THSD7B: variants seen among roughly 807,000 people sequenced by gnomAD.
The protein encoded by THSD7B is thrombospondin type 1 domain containing 7B, also known as thrombospondin type-1 domain-containing protein 7B.
In THSD7B, 138 loss-of-function variants were observed where a neutral mutation model predicts 213.6. The observed-to-expected ratio is 0.65, with a 90% CI of 0.56 to 0.74. THSD7B has a LOEUF of 0.74. THSD7B is among the 30% of genes least tolerant of loss of function. THSD7B has a pLI of 0.00. For missense variants in THSD7B, 1,931 were observed against 1,991.5 expected, an observed-to-expected ratio of 0.97 and a Z score of 0.58; for synonymous variants, 742 against 687.0, an observed-to-expected ratio of 1.08 and a Z score of -1.25.
At chr2:137,332,132 G>T (rs1451997813) in intron 12 of THSD7B, among the ~76,000 whole-genome samples, 1 of 152,098 alleles carries the variant, frequency 6.6e-6, no homozygotes, top group Non-Finnish European at 1.5e-5. Flanking sequence ...CCGAGAGCGA[G>T]CGAGGGCTAT....
chr2:137,555,691 G>C (rs1221054135), intron 15 of THSD7B, among the ~76,000 whole-genome samples: 2 of 152,298 alleles, frequency 1.3e-5, no homozygotes, highest in South Asian at 2.1e-4. Flanking sequence ...AAGCTGGACA[G>C]AGAATGACCT....
At chr2:137,388,813 C>G (rs1281605291) in intron 12 of THSD7B, among the ~76,000 whole-genome samples, 1 of 152,116 alleles carries the variant, frequency 6.6e-6, no homozygotes, top group Non-Finnish European at 1.5e-5. Flanking sequence ...TAATGACCTT[C>G]AGTTCCAACC....
At chr2:137,639,535 A>G (rs139734373) in intron 20 of THSD7B, among the ~76,000 whole-genome samples, 1 of 152,136 alleles carries the variant, frequency 6.6e-6, no homozygotes, top group African/African-American at 2.4e-5. Flanking sequence ...GAAGAGGGCC[A>G]TTGTTCTACA....
intron 15 of THSD7B, among the ~76,000 whole-genome samples, chr2:137,459,826 G>C (rs1227227659): frequency 6.6e-6 from 1 of 152,064 alleles, no homozygotes; most frequent in African/African-American, 2.4e-5. Flanking sequence ...AGCTTTCCAG[G>C]CACCTGCTCT....
chr2:137,546,468 AT>A (rs1282966332), intron 15 of THSD7B, among the ~76,000 whole-genome samples: 3 of 49,364 alleles, frequency 6.1e-5, no homozygotes, highest in African/African-American at 2.5e-4. Flanking sequence ...TATATAATAT[AT>A]ATATATATAA....
intron 2 of THSD7B, among the ~76,000 whole-genome samples, chr2:136,987,804 A>G (rs1560580): frequency 0.41 from 62,557 of 152,136 alleles, 15,281 homozygotes; most frequent in Non-Finnish European, 0.55. Context: ...GGATGAAAGA[A>G]GTAATAACAG....
rs113897570 is a variant in THSD7B, at chr2:137,376,936, G to A, written c.2501-28677G>A. On this transcript the variant is annotated intron_variant, in intron 12 of 27. Transcript: ENST00000409968. ...ATCGTTAGCTTTCATCTCTAATGAA[G>A]CCATGATGTAGAAAGAAGGAAGGAA... Among the ~76,000 whole-genome samples the A allele has an allele frequency of 1.9e-3, 282 of 152,222 alleles. 2 individuals carry two copies. Among genetic ancestry groups the A allele is most frequent in the African/African-American group, 6.5e-3 (269 of 41,552 alleles).
intron 2 of THSD7B, among the ~76,000 whole-genome samples, chr2:136,987,366 T>C (rs1402751371): frequency 6.6e-6 from 1 of 152,094 alleles, no homozygotes; most frequent in Non-Finnish European, 1.5e-5. Flanking sequence ...ACTGCCTTGA[T>C]GAATGGAATA....
At chr2:137,015,819 A>G (rs928969526) in intron 2 of THSD7B, among the ~76,000 whole-genome samples, 1 of 152,100 alleles carries the variant, frequency 6.6e-6, no homozygotes, top group Non-Finnish European at 1.5e-5. Context: ...TTTCTCTCTC[A>G]GAAGTGGACT....
chr2:137,401,832 A>G (rs539902830), intron 12 of THSD7B, among the ~76,000 whole-genome samples: 167 of 152,202 alleles, frequency 1.1e-3, no homozygotes, highest in Non-Finnish European at 2.4e-4. Flanking sequence ...ATAAAGAAAA[A>G]CAAACTGATT....
intron 1 of THSD7B, among the ~76,000 whole-genome samples, chr2:136,798,733 C>T (rs930539394): frequency 1.3e-5 from 2 of 152,014 alleles, no homozygotes; most frequent in African/African-American, 4.8e-5. Flanking sequence ...GCTGAAGCCA[C>T]ACTGATTGTG....
At chr2:136,923,632 G>GT (rs895000964) in intron 2 of THSD7B, among the ~76,000 whole-genome samples, 2 of 151,932 alleles carry the variant, frequency 1.3e-5, no homozygotes, top group African/African-American at 4.8e-5. Context: ...ATTTCTCTTT[G>GT]TTTTTTAAAA....
At chr2:137,223,031 G>C (rs1281651570) in intron 7 of THSD7B, among the ~76,000 whole-genome samples, 1 of 152,190 alleles carries the variant, frequency 6.6e-6, no homozygotes, top group Admixed American at 6.5e-5. Context: ...ATGGTTCCCT[G>C]TGTTTAGGCA....
In THSD7B at chr2:137,242,493, C is replaced by T. The variant is rs540183231; in HGVS notation, c.2187C>T (p.Pro729=). ...PDSTRPETVR[P]CFLPCKKDCI... ...CTACTCGACCTGAAACTGTGCGCCC[C>T]TGTTTTCTCCCATGCAAAAAAGACT... The change falls in exon 10 of 28, where the codon CCC becomes CCT. Residue 729 remains proline (P), a synonymous_variant. Transcript: ENST00000409968. 1.6e-5 allele frequency: 26 copies of T among 1,613,860 alleles called. No individual in the cohort carries two copies. Among genetic ancestry groups the T allele is most frequent in the Non-Finnish European group, 2.1e-5 (25 of 1,179,782 alleles).
At chr2:137,675,303 T>C (rs1683672436) in intron 27 of THSD7B, among the ~76,000 whole-genome samples, 1 of 26,546 alleles carries the variant, frequency 3.8e-5, no homozygotes, top group Non-Finnish European at 1.4e-4. Context: ...ATTGTATAGA[T>C]TAAAATCTTT....
At chr2:136,906,172 C>T (rs567313899) in intron 2 of THSD7B, among the ~76,000 whole-genome samples, 91 of 152,146 alleles carry the variant, frequency 6.0e-4, no homozygotes, top group African/African-American at 2.2e-3. Context: ...TTCAATTTCC[C>T]TTGTGTGGAG....
chr2:137,658,570 G>A (rs1039513628), intron 24 of THSD7B, among the ~76,000 whole-genome samples: 5 of 152,124 alleles, frequency 3.3e-5, no homozygotes, highest in African/African-American at 7.2e-5. Context: ...CTGGTTGAAA[G>A]AACGGAAACC....
chr2:137,072,328 T>C (rs1442314245), intron 3 of THSD7B, among the ~76,000 whole-genome samples: 1 of 152,196 alleles, frequency 6.6e-6, no homozygotes, highest in Non-Finnish European at 1.5e-5. Flanking sequence ...TTCACATCCC[T>C]TGTAAGTTGG....
intron 2 of THSD7B, among the ~76,000 whole-genome samples, chr2:137,010,237 G>T (rs151274243): frequency 3.3e-5 from 5 of 152,192 alleles, no homozygotes; most frequent in Non-Finnish European, 5.9e-5. Flanking sequence ...GAAGAAACTA[G>T]ATATTGGCAC....
Sources: gnomAD v4.1 joint callset for allele counts (sites outside exome capture counted in the v4.1 genomes callset) on GRCh38, gnomAD v4.1.1 for gene constraint, MANE v1.5 for transcripts, NCBI Gene and HGNC (gene_info 2026-07-23, HGNC 2026-07-21) for gene names.